Variants in FRMD4A observed in about 807,000 individuals in gnomAD.
The protein encoded by FRMD4A is FERM domain-containing protein 4A.
In FRMD4A, 29 loss-of-function variants were observed where a neutral mutation model predicts 129.1. That is an observed-to-expected ratio of 0.22 (90% CI 0.17 to 0.31). The LOEUF is 0.31. Ranked by LOEUF, FRMD4A falls within the 10% of genes least tolerant of loss-of-function variation. FRMD4A has a pLI of 1.00. For missense variants in FRMD4A, 1,272 were observed against 1,375.8 expected (o/e 0.92, Z 1.19); for synonymous variants, 634 against 571.6 (o/e 1.11, Z -1.56).
intron 2 of FRMD4A, chr10:13,991,853 C>A (rs1332352930): frequency 6.6e-6 from 1 of 152,246 alleles, no homozygotes; most frequent in Non-Finnish European, 1.5e-5. Flanking sequence ...TGAGGGTAAA[C>A]TAGAAAATTA....
Position 13,884,162 on chromosome 10 carries a change from ACACACT to A in FRMD4A, c.46-25256_46-25251del, listed in dbSNP as rs1157703684. On this transcript the variant is annotated intron_variant, in intron 2 of 24. Transcript: ENST00000357447. ...CACACACTCTCACACACTCTCACAC[ACACACT>A]CACACACTCACACACACACACACAC... Among the ~76,000 whole-genome samples the A allele has an allele frequency of 2.2e-3, 36 of 16,302 alleles. 1 individual carries two copies. The highest frequency in any genetic ancestry group is 3.3e-3 in the Non-Finnish European group (16 of 4,834). 10.7% of individuals were successfully genotyped at this position (16,302 alleles called of 152,430 possible). A position where few individuals can be genotyped will look rare whatever the true frequency, so the allele number is the denominator to read the frequency against.
intron 2 of FRMD4A, among the ~76,000 whole-genome samples, chr10:14,296,846 C>T (rs1005984535): frequency 2.0e-5 from 3 of 152,138 alleles, no homozygotes; most frequent in African/African-American, 7.2e-5. Context: ...CATACAACTC[C>T]CTTTCCCCCC....
chr10:14,249,350 T>TCAAAAAAAAAAAAAAAA (rs1564416620), intron 2 of FRMD4A, among the ~76,000 whole-genome samples: 13 of 121,360 alleles, frequency 1.1e-4, no homozygotes, highest in African/African-American at 3.6e-4. Flanking sequence ...AGAATCTGTC[T>TCAAAAAAAAAAAAAAAA]TAAAAAAAAA....
chr10:14,043,810 G>A (rs565920470), intron 2 of FRMD4A, among the ~76,000 whole-genome samples: 70 of 152,234 alleles, frequency 4.6e-4, no homozygotes, highest in African/African-American at 1.6e-3. Flanking sequence ...CTAGGTGTCC[G>A]GTCCCAGATC....
At chr10:14,193,890 C>G (rs1305808906) in intron 2 of FRMD4A, among the ~76,000 whole-genome samples, 2 of 152,078 alleles carry the variant, frequency 1.3e-5, no homozygotes, top group Non-Finnish European at 2.9e-5. Flanking sequence ...GAACACTGAT[C>G]CATCCCAACC....
intron 2 of FRMD4A, among the ~76,000 whole-genome samples, chr10:14,135,394 C>A (rs998639798): frequency 6.6e-6 from 1 of 152,234 alleles, no homozygotes. Flanking sequence ...CATCCTGTAA[C>A]CAATCCAGCT....
At chr10:13,674,777 C>T in intron 16 of FRMD4A, 134 bp downstream of exon 16, 1 of 988,878 alleles carries the variant, frequency 1.0e-6, no homozygotes, top group Non-Finnish European at 1.5e-6. Context: ...CTCTTTTTAT[C>T]ACTACCCTTG....
In FRMD4A at chr10:13,657,499, C is replaced by A; in HGVS notation, c.2090G>T (p.Arg697Leu). Residue 697 changes from arginine to leucine, a missense_variant, in exon 22 of 25, where the codon CGA (arginine) becomes CTA (leucine). Coordinates refer to ENST00000357447, the MANE Select transcript of FRMD4A (RefSeq NM_018027.5). ...STRSVDISPT[R>L]LHSLALHFRH... ...AAAGTGCAGTGCGAGGCTGTGCAGTCGGGTGGGGCTGATGTCCACCGACCT... is the reference window on the plus strand; with the variant it reads ...AAAGTGCAGTGCGAGGCTGTGCAGTAGGGTGGGGCTGATGTCCACCGACCT... 6.6e-7 allele frequency: 1 copy of A among 1,517,540 alleles called. No homozygotes were observed. Among genetic ancestry groups the A allele is most frequent in the Non-Finnish European group, 8.9e-7 (1 of 1,125,304 alleles). 94.0% of individuals were successfully genotyped at this position (1,517,540 alleles called of 1,614,324 possible). A position where few individuals can be genotyped will look rare whatever the true frequency, so the allele number is the denominator to read the frequency against.
chr10:13,864,338 C>A (rs373158516), intron 2 of FRMD4A, among the ~76,000 whole-genome samples: 263 of 114,454 alleles, frequency 2.3e-3, no homozygotes, highest in East Asian at 3.2e-3. Context: ...CATCTTGAGT[C>A]AAAAAAAAAA....
At chr10:13,918,704 T>A (rs1364165519) in intron 2 of FRMD4A, among the ~76,000 whole-genome samples, 3 of 151,976 alleles carry the variant, frequency 2.0e-5, no homozygotes, top group African/African-American at 7.3e-5. Flanking sequence ...AATTTTTATA[T>A]TTTTAGTAGA....
At chr10:14,231,165 T>C (rs7919416) in intron 2 of FRMD4A, among the ~76,000 whole-genome samples, 10,726 of 152,214 alleles carry the variant, frequency 0.07, 419 homozygotes, top group Middle Eastern at 0.11. Context: ...GGTCAAATGG[T>C]AGTTCTGTTT....
chr10:13,960,933 G>A (rs1243788700), intron 2 of FRMD4A, among the ~76,000 whole-genome samples: 1 of 152,200 alleles, frequency 6.6e-6, no homozygotes, highest in Admixed American at 6.5e-5. Flanking sequence ...TCCTATGGAA[G>A]GCTGTGTACC....
chr10:14,029,160 C>T (rs1483966754), intron 2 of FRMD4A, among the ~76,000 whole-genome samples: 1 of 151,988 alleles, frequency 6.6e-6, no homozygotes, highest in Non-Finnish European at 1.5e-5. Flanking sequence ...CTCTTTGAAC[C>T]TCAGATGATC....
chr10:14,076,967 G>A (rs1470168132), intron 2 of FRMD4A, among the ~76,000 whole-genome samples: 1 of 152,162 alleles, frequency 6.6e-6, no homozygotes, highest in Non-Finnish European at 1.5e-5. Flanking sequence ...CAAGCTGGAG[G>A]GTTCTCAAGG....
intron 2 of FRMD4A, among the ~76,000 whole-genome samples, chr10:13,914,817 A>G (rs1406862424): frequency 6.6e-6 from 1 of 152,202 alleles, no homozygotes; most frequent in Non-Finnish European, 1.5e-5. Context: ...GAAACAAACC[A>G]CAAGACTGGG....
intron 2 of FRMD4A, among the ~76,000 whole-genome samples, chr10:14,199,618 G>A (rs1437536101): frequency 2.6e-5 from 4 of 152,134 alleles, no homozygotes; most frequent in African/African-American, 7.2e-5. Flanking sequence ...TCAAACTCCC[G>A]ACCTCAGGTG....
intron 2 of FRMD4A, among the ~76,000 whole-genome samples, chr10:14,195,802 T>C (rs1842456054): frequency 6.6e-6 from 1 of 152,232 alleles, no homozygotes; most frequent in Non-Finnish European, 1.5e-5. Flanking sequence ...TGTGGCATCC[T>C]GCGTGCAAAC....
chr10:14,330,122 C>T lies in FRMD4A; in HGVS notation c.-20G>A. 1 of 1,551,568 alleles carries T rather than the reference C, an allele frequency of 6.4e-7. No individual in the cohort carries two copies. Among genetic ancestry groups the T allele is most frequent in the Non-Finnish European group, 8.7e-7 (1 of 1,147,008 alleles). On this transcript the variant is annotated 5_prime_UTR_variant, in exon 2 of 25. In the 5' UTR this introduces an upstream ATG that the reference lacks. Coordinates refer to ENST00000357447, the MANE Select transcript of FRMD4A (RefSeq NM_018027.5). The stretch of plus-strand genomic sequence containing the variant: ...TGCCATGGTCTCCGATTCCCATGCA[C>T]GAATCCTGCTGCCGAGTCAGTCCTC...
intron 15 of FRMD4A, chr10:13,685,665 T>C: frequency 2.0e-6 from 2 of 982,938 alleles, no homozygotes; most frequent in Non-Finnish European, 2.4e-6. Flanking sequence ...ATATCTCTTT[T>C]TAGTATTTAA....
Sources: gnomAD v4.1 joint callset for allele counts (sites outside exome capture counted in the v4.1 genomes callset) on GRCh38, gnomAD v4.1.1 for gene constraint, MANE v1.5 for transcripts, NCBI Gene and HGNC (gene_info 2026-07-23, HGNC 2026-07-21) for gene names.